The following TEX9 variants were observed in gnomAD, a reference collection of about 807,000 sequenced individuals.
TEX9 encodes the protein testis expressed 9.
In TEX9, 74 loss-of-function variants were observed where a neutral mutation model predicts 59.6. The ratio of observed to expected loss-of-function variants is 1.24; its 90% CI spans 1.03 to 1.51. The LOEUF is 1.51. Ranked by LOEUF, TEX9 falls within the 40% of genes most tolerant of loss-of-function variation. TEX9 has a pLI of 0.00. For synonymous variants in TEX9, 186 were observed against 152.2 expected, an observed-to-expected ratio of 1.22 and a Z score of -1.64; for missense variants, 522 against 447.8, an observed-to-expected ratio of 1.17 and a Z score of -1.49.
chr15:56,246,366 C>G (rs1330697735), intron 1 of TEX9, among the ~76,000 whole-genome samples: 1 of 152,110 alleles, frequency 6.6e-6, no homozygotes, highest in Non-Finnish European at 1.5e-5. Context: ...GTGAGATACC[C>G]TTTCAGGGAG....
downstream of TEX9, among the ~76,000 whole-genome samples, chr15:56,446,232 GATA>G (rs1302227090): frequency 2.6e-5 from 4 of 151,916 alleles, no homozygotes; most frequent in African/African-American, 9.7e-5. Context: ...CCTTCTGTTT[GATA>G]ATGAGAGCTC....
At chr15:56,362,806 A>G (rs1425997752), upstream of TEX9, among the ~76,000 whole-genome samples, 1 of 152,214 alleles carries the variant, frequency 6.6e-6, no homozygotes, top group Non-Finnish European at 1.5e-5. Flanking sequence ...ATTGAAATAG[A>G]ATCCTATAGT....
At chr15:56,383,492 A>C (rs899842020) in intron 3 of TEX9, among the ~76,000 whole-genome samples, 7 of 152,178 alleles carry the variant, frequency 4.6e-5, no homozygotes, top group Admixed American at 1.3e-4. Flanking sequence ...TCATTTCTTG[A>C]TGTGTCTTTG....
intron 1 of TEX9, among the ~76,000 whole-genome samples, chr15:56,279,893 A>G (rs1291760541): frequency 6.6e-6 from 1 of 152,212 alleles, no homozygotes; most frequent in African/African-American, 2.4e-5. Context: ...TTTGACTTAC[A>G]AGTTTTCAAC....
intron 10 of TEX9, among the ~76,000 whole-genome samples, chr15:56,426,932 A>G (rs1428719892): frequency 6.6e-6 from 1 of 151,964 alleles, no homozygotes; most frequent in Non-Finnish European, 1.5e-5. Flanking sequence ...CTGCTTAGCT[A>G]AAGGCCACAG....
the TEX9 span, among the ~76,000 whole-genome samples, chr15:56,457,552 G>A: frequency 6.6e-6 from 1 of 152,170 alleles, no homozygotes; most frequent in African/African-American, 2.4e-5. Context: ...GCTGAGCGCT[G>A]TGGCTTACAC....
chr15:56,352,012 G>A (rs1012717270), intron 1 of TEX9, among the ~76,000 whole-genome samples: 3 of 152,178 alleles, frequency 2.0e-5, no homozygotes, highest in Non-Finnish European at 4.4e-5. Context: ...TGGGTGGGAA[G>A]AGGATGCAAG....
At chr15:56,317,401 T>C (rs181484830) in intron 1 of TEX9, among the ~76,000 whole-genome samples, 2 of 152,342 alleles carry the variant, frequency 1.3e-5, no homozygotes, top group East Asian at 3.9e-4. Context: ...ATTCTTAATG[T>C]TAGCAATTTA....
intron 4 of TEX9, among the ~76,000 whole-genome samples, chr15:56,386,557 T>A (rs1333035943): frequency 6.6e-6 from 1 of 152,018 alleles, no homozygotes; most frequent in African/African-American, 2.4e-5. Flanking sequence ...CTTTTGAGTA[T>A]TTTTTAAGTA....
intron 1 of TEX9, among the ~76,000 whole-genome samples, chr15:56,274,837 ACT>A (rs2044631884): frequency 1.3e-5 from 2 of 152,084 alleles, no homozygotes; most frequent in African/African-American, 4.8e-5. Flanking sequence ...TCAGTGTACC[ACT>A]GGCTTCATTC....
intron 1 of TEX9, among the ~76,000 whole-genome samples, chr15:56,244,940 T>C (rs2141265926): frequency 6.6e-6 from 1 of 152,232 alleles, no homozygotes; most frequent in South Asian, 2.1e-4. Flanking sequence ...GGATGTAGAA[T>C]ACAACAGCCA....
chr15:56,456,666 A>G, the TEX9 span: 2 of 871,442 alleles, frequency 2.3e-6, no homozygotes, highest in Middle Eastern at 3.5e-4. Flanking sequence ...TGTTGTTTCA[A>G]TAAATACTTT....
At chr15:56,359,850 A>G (rs574087098) in intron 1 of TEX9, among the ~76,000 whole-genome samples, 2 of 152,310 alleles carry the variant, frequency 1.3e-5, no homozygotes, top group African/African-American at 2.4e-5. Flanking sequence ...GAAAGCATCC[A>G]ATTTCATTAA....
chr15:56,439,767 A>C (rs902591551), intron 12 of TEX9, among the ~76,000 whole-genome samples: 76 of 151,298 alleles, frequency 5.0e-4, no homozygotes, highest in Non-Finnish European at 7.5e-4. Flanking sequence ...AAAAAAACCC[A>C]AAAAAACAAA....
intron 1 of TEX9, among the ~76,000 whole-genome samples, chr15:56,246,048 A>G (rs1270363387): frequency 2.6e-5 from 4 of 152,178 alleles, no homozygotes; most frequent in African/African-American, 9.7e-5. Flanking sequence ...GGTCTGCCAA[A>G]GGCCTTAAGA....
At chr15:56,444,561 T>G (rs1298310975) in intron 12 of TEX9, 2 of 1,612,988 alleles carry the variant, frequency 1.2e-6, no homozygotes, top group Non-Finnish European at 1.7e-6. Context: ...TTTCTCTAAG[T>G]CAAGATAGTA....
intron 1 of TEX9, among the ~76,000 whole-genome samples, chr15:56,291,789 A>G (rs1008514310): frequency 6.6e-6 from 1 of 152,216 alleles, no homozygotes. Context: ...TGTTTTTCAT[A>G]GGGCTTCAGC....
chr15:56,352,977 C>A (rs1419429223), intron 1 of TEX9, among the ~76,000 whole-genome samples: 2 of 152,148 alleles, frequency 1.3e-5, no homozygotes, highest in Non-Finnish European at 2.9e-5. Flanking sequence ...TCTAAACTGT[C>A]TTTCCCAGGC....
intron 1 of TEX9, among the ~76,000 whole-genome samples, chr15:56,256,733 G>A (rs1447233774): frequency 6.6e-6 from 1 of 151,834 alleles, no homozygotes. Flanking sequence ...AAAGTTTGAG[G>A]TGAATACTGA....
Sources: gnomAD v4.1 joint callset for allele counts (sites outside exome capture counted in the v4.1 genomes callset) on GRCh38, gnomAD v4.1.1 for gene constraint, MANE v1.5 for transcripts, NCBI Gene and HGNC (gene_info 2026-07-23, HGNC 2026-07-21) for gene names.